CD109: variants seen among roughly 807,000 people sequenced by gnomAD.
CD109 encodes CD109 antigen.
Under a neutral mutation model 165.8 loss-of-function variants are expected in CD109, and 149 were observed. The observed-to-expected ratio is 0.90, with a 90% CI of 0.79 to 1.03. CD109 has a LOEUF of 1.03. CD109 is among the 50% of genes least tolerant of loss of function. CD109 has a pLI of 0.00. For synonymous variants in CD109, 585 were observed against 592.1 expected (o/e 0.99, Z 0.18); for missense variants, 1,712 against 1,677.8 (o/e 1.02, Z -0.36).
chr6:73,688,461 CA>C, the CD109 span, among the ~76,000 whole-genome samples: 3 of 152,150 alleles, frequency 2.0e-5, no homozygotes, highest in African/African-American at 7.2e-5. Flanking sequence ...GTTCCTGACA[CA>C]GAGCTCCAAA....
intron 2 of CD109, among the ~76,000 whole-genome samples, chr6:73,717,483 A>G (rs1255250684): frequency 2.0e-5 from 3 of 149,556 alleles, no homozygotes; most frequent in Admixed American, 6.6e-5. Context: ...CATTGTACAG[A>G]TTTTTCACTT....
chr6:73,774,963 A>G (rs769646441), intron 15 of CD109, among the ~76,000 whole-genome samples: 24 of 147,956 alleles, frequency 1.6e-4, no homozygotes, highest in Non-Finnish European at 3.4e-4. Flanking sequence ...TGTTAAATTT[A>G]TATGTGTTGT....
intron 24 of CD109, among the ~76,000 whole-genome samples, chr6:73,806,483 C>G (rs577097745): frequency 1.3e-5 from 2 of 151,930 alleles, no homozygotes; most frequent in Non-Finnish European, 2.9e-5. Context: ...GCACGTTGTG[C>G]ACATGTACCC....
chr6:73,812,104 G>T lies in CD109; in HGVS notation c.3703-101G>T, dbSNP rs1775776551. 8.7e-6 allele frequency: 6 copies of T among 690,702 alleles called. No individual in the cohort carries two copies. The Admixed American group carries it at 1.5e-4, about 17-fold the overall frequency. 42.8% of individuals were successfully genotyped at this position (690,702 alleles called of 1,614,324 possible). On this transcript the variant is annotated intron_variant, in intron 28 of 32. Coordinates refer to ENST00000287097, the MANE Select transcript of CD109 (RefSeq NM_133493.5). ...AAAGCTCTTAGTGCTGTCAGTGATT[G>T]CTTCTTTTCCTAATGAGGGATAGGA...
At chr6:73,763,367 A>G (rs1773708937) in intron 9 of CD109, among the ~76,000 whole-genome samples, 1 of 152,180 alleles carries the variant, frequency 6.6e-6, no homozygotes, top group Admixed American at 6.5e-5. Context: ...ACTGCGGTAG[A>G]ATGGCAGCAA....
At chr6:73,731,387 G>A (rs1486385123) in intron 4 of CD109, among the ~76,000 whole-genome samples, 2 of 152,196 alleles carry the variant, frequency 1.3e-5, no homozygotes, top group Non-Finnish European at 2.9e-5. Context: ...GAGAGCCAAA[G>A]GCAGTAAAAG....
At chr6:73,759,301 T>A (rs1030802766) in intron 7 of CD109, among the ~76,000 whole-genome samples, 5 of 152,000 alleles carry the variant, frequency 3.3e-5, no homozygotes, top group Non-Finnish European at 7.4e-5. Flanking sequence ...AGCACTGTTT[T>A]TTTTTCAGAT....
chr6:73,768,908 C>A (rs1444976972), intron 14 of CD109, among the ~76,000 whole-genome samples: 2 of 152,184 alleles, frequency 1.3e-5, no homozygotes. Context: ...AAAATTATTC[C>A]TTTAAATAGT....
At chr6:73,747,784 C>A (rs887335463) in intron 5 of CD109, among the ~76,000 whole-genome samples, 1 of 152,142 alleles carries the variant, frequency 6.6e-6, no homozygotes, top group Non-Finnish European at 1.5e-5. Flanking sequence ...AGGCTGGTAA[C>A]CTTAGAGTTC....
chr6:73,719,099 T>C (rs1771851980), intron 2 of CD109, among the ~76,000 whole-genome samples: 1 of 152,224 alleles, frequency 6.6e-6, no homozygotes, highest in African/African-American at 2.4e-5. Flanking sequence ...ATTATTGACA[T>C]GACATTTTAC....
rs958903747 is a variant in CD109, at chr6:73,755,379, T to G, written c.634-1264T>G. 6.6e-5 allele frequency among the ~76,000 whole-genome samples: 10 copies of G among 152,318 alleles called. No homozygotes were observed. The East Asian group carries it at 1.9e-3, about 29-fold the overall frequency. Reference sequence around the variant, plus strand: ...TTTACATGACAATGTTGAAGCCAATTGATACACAATTTATTTGTTAGCGTG... The same window carrying G: ...TTTACATGACAATGTTGAAGCCAATGGATACACAATTTATTTGTTAGCGTG... On this transcript the variant is annotated intron_variant, in intron 5 of 32. Transcript: ENST00000287097.
At position 73,788,561 on chromosome 6, in the gene CD109, TTTCCTCCTAATAC is replaced by T; in HGVS notation, c.2651_2663del (p.Phe884Ter). 6.2e-7 allele frequency: 1 copy of T among 1,613,734 alleles called. No homozygotes were observed. The highest frequency in any genetic ancestry group is 8.5e-7 in the Non-Finnish European group (1 of 1,179,822). The stretch of plus-strand genomic sequence containing the variant: ...TACCCTGAAAACTTTGAGTTTCTCA[TTTCCTCCTAATAC>T]AGTGACTGGCAGTGAAAGAGTTCAG... On this transcript the variant is annotated frameshift_variant, in exon 22 of 33. Transcript: ENST00000287097. LOFTEE classifies it high-confidence loss of function.
chr6:73,782,873 C>A, intron 18 of CD109, 118 bp downstream of exon 18: 2 of 851,018 alleles, frequency 2.4e-6, no homozygotes, highest in Non-Finnish European at 1.7e-6. Flanking sequence ...ACTAAGTAGA[C>A]CAAAAGGATT....
intron 15 of CD109, among the ~76,000 whole-genome samples, chr6:73,772,946 C>T (rs542591789): frequency 6.9e-6 from 1 of 145,500 alleles, no homozygotes; most frequent in East Asian, 2.0e-4. Flanking sequence ...ATTTTTCTCT[C>T]TTTGACTTTT....
rs1776310323 is a variant in CD109 at position 73,827,378 on chromosome 6, GA to G, written c.*3747del. The G allele has an allele frequency of 6.6e-6, 1 of 152,058 alleles. No homozygotes were observed. Among genetic ancestry groups the G allele is most frequent in the Admixed American group, 6.6e-5 (1 of 15,252 alleles). 9.4% of individuals were successfully genotyped at this position (152,058 alleles called of 1,614,324 possible). On this transcript the variant is annotated 3_prime_UTR_variant, in exon 33 of 33. Transcript: ENST00000287097. ...GGTAGAGGCTTCTGTCGGACAGGCA[GA>G]AGAGTGTATTCCTCACTTTTTTTTT...
Position 73,820,528 on chromosome 6 carries a change from A to T in CD109, c.4127A>T (p.Asp1376Val). 3 of 1,611,676 alleles carry T rather than the reference A, an allele frequency of 1.9e-6. No homozygotes were observed. Among genetic ancestry groups the T allele is most frequent in the Middle Eastern group, 1.7e-4 (1 of 6,054 alleles). Residue 1376 changes from aspartate (D) to valine (V), a missense_variant, in exon 32 of 33, where the codon GAT becomes GTT. By Grantham distance (152) the Asp-to-Val change is radical. Transcript: ENST00000287097. ...VRNFKVSNTQ[D>V]ASVSIVDYYE... ...AACTTTAAAGTTTCAAATACCCAAG[A>T]TGCTTCAGTGTCCATAGTGGATTAC... is the stretch of plus-strand genomic sequence containing the variant.
intron 15 of CD109, 50 bp downstream of exon 15, chr6:73,771,631 AG>A: frequency 7.5e-7 from 1 of 1,341,294 alleles, no homozygotes; most frequent in Non-Finnish European, 1.0e-6. Flanking sequence ...CAAGAGAAAG[AG>A]GAAACTTTAT....
intron 14 of CD109, among the ~76,000 whole-genome samples, chr6:73,770,041 T>C (rs1280645822): frequency 6.6e-6 from 1 of 152,216 alleles, no homozygotes; most frequent in African/African-American, 2.4e-5. Flanking sequence ...TGGAGGACAT[T>C]GTTGGGAGGT....
chr6:73,754,137 T>A (rs551539755), intron 5 of CD109, among the ~76,000 whole-genome samples: 3 of 152,300 alleles, frequency 2.0e-5, no homozygotes, highest in African/African-American at 7.2e-5. Context: ...TAAATCCAGA[T>A]CAATAAATCC....
Sources: gnomAD v4.1 joint callset for allele counts (sites outside exome capture counted in the v4.1 genomes callset) on GRCh38, gnomAD v4.1.1 for gene constraint, MANE v1.5 for transcripts, NCBI Gene and HGNC (gene_info 2026-07-23, HGNC 2026-07-21) for gene names.